Variants in SULF1 observed in about 807,000 individuals in gnomAD.
The protein encoded by SULF1 is sulfatase 1, also known as extracellular sulfatase Sulf-1.
In SULF1, 46 loss-of-function variants were observed where a neutral mutation model predicts 110.5. That is an observed-to-expected ratio of 0.42 (90% CI 0.33 to 0.53). SULF1 has a LOEUF of 0.53. Ranked by LOEUF, SULF1 falls within the 20% of genes least tolerant of loss-of-function variation. The pLI, the probability that SULF1 is intolerant of heterozygous loss-of-function variation, is 0.12. For synonymous variants in SULF1, 371 were observed against 387.1 expected (o/e 0.96, Z 0.49); for missense variants, 941 against 1,094.2 (o/e 0.86, Z 1.98).
chr8:69,561,481 A>G (rs1774847104), intron 3 of SULF1, among the ~76,000 whole-genome samples: 1 of 152,220 alleles, frequency 6.6e-6, no homozygotes, highest in Admixed American at 6.5e-5. Context: ...AGTAAATAAG[A>G]TAAAGAAAAG....
chr8:69,656,227 CTTTATAG>C (rs1216088549), intron 22 of SULF1, among the ~76,000 whole-genome samples: 21 of 152,176 alleles, frequency 1.4e-4, no homozygotes, highest in African/African-American at 3.9e-4. Context: ...GTTTTCTGCA[CTTTATAG>C]TTTATTTCGC....
At chr8:69,512,278 T>A (rs1256361082) in intron 3 of SULF1, among the ~76,000 whole-genome samples, 1 of 152,106 alleles carries the variant, frequency 6.6e-6, no homozygotes. Flanking sequence ...GTAGAAAAAG[T>A]GCCTCTTGAG....
At chr8:69,646,938 A>ATTTTTTTTT (rs532105097) in intron 22 of SULF1, among the ~76,000 whole-genome samples, 7 of 97,760 alleles carry the variant, frequency 7.2e-5, no homozygotes, top group Non-Finnish European at 8.1e-5. Context: ...GAGCCCTGGA[A>ATTTTTTTTT]TTTTTTTTTT....
intron 3 of SULF1, among the ~76,000 whole-genome samples, chr8:69,556,191 T>A (rs1468796287): frequency 6.6e-6 from 1 of 152,036 alleles, no homozygotes; most frequent in African/African-American, 2.4e-5. Flanking sequence ...GAGAAAGAAA[T>A]GGGGTACTAG....
At chr8:69,656,070 T>C (rs1812705465) in intron 22 of SULF1, among the ~76,000 whole-genome samples, 1 of 152,162 alleles carries the variant, frequency 6.6e-6, no homozygotes, top group Non-Finnish European at 1.5e-5. Context: ...TGTTTCAAAC[T>C]GTTCCTTTAT....
chr8:69,628,649 A>T (rs1435481297), intron 18 of SULF1, among the ~76,000 whole-genome samples: 1 of 152,250 alleles, frequency 6.6e-6, no homozygotes, highest in African/African-American at 2.4e-5. Flanking sequence ...TTTAAATAAT[A>T]GCAAAATTTG....
intron 1 of SULF1, among the ~76,000 whole-genome samples, chr8:69,480,957 C>T (rs1305670224): frequency 6.6e-6 from 1 of 151,566 alleles, no homozygotes; most frequent in Admixed American, 6.6e-5. Context: ...TTAATGGGTG[C>T]AGCACACCAG....
intron 3 of SULF1, among the ~76,000 whole-genome samples, chr8:69,518,827 C>T (rs991568270): frequency 6.6e-6 from 1 of 152,186 alleles, no homozygotes; most frequent in African/African-American, 2.4e-5. Flanking sequence ...TAGTCTTACT[C>T]TACATATCTG....
intron 22 of SULF1, among the ~76,000 whole-genome samples, chr8:69,644,958 A>T (rs1314822023): frequency 6.6e-6 from 1 of 152,022 alleles, no homozygotes; most frequent in Non-Finnish European, 1.5e-5. Context: ...GCACTGTTGG[A>T]CTTTTCTGTT....
intron 6 of SULF1, among the ~76,000 whole-genome samples, chr8:69,579,295 T>A (rs1805883848): frequency 1.3e-5 from 2 of 151,948 alleles, no homozygotes; most frequent in African/African-American, 4.8e-5. Context: ...GGCTCATACC[T>A]GTAATCCCAG....
chr8:69,519,751 T>A (rs543032081), intron 3 of SULF1, among the ~76,000 whole-genome samples: 1 of 152,224 alleles, frequency 6.6e-6, no homozygotes, highest in East Asian at 1.9e-4. Flanking sequence ...TTCATTTATG[T>A]TAGTCTTCTA....
chr8:69,608,434 C>A (rs1419369525), intron 13 of SULF1, among the ~76,000 whole-genome samples: 1 of 152,174 alleles, frequency 6.6e-6, no homozygotes, highest in East Asian at 1.9e-4. Context: ...AATCCCAACA[C>A]TTTGGGAGCC....
intron 3 of SULF1, among the ~76,000 whole-genome samples, chr8:69,543,591 T>C (rs1814014241): frequency 1.3e-5 from 2 of 152,228 alleles, no homozygotes; most frequent in African/African-American, 4.8e-5. Flanking sequence ...CCACAATGTA[T>C]ATGTACCACA....
rs1473830022 is a variant in SULF1, at chr8:69,651,056, C to CTTTTTTTTTT, written c.2586-7443_2586-7434dup. 6.5e-5 allele frequency among the ~76,000 whole-genome samples: 9 copies of CTTTTTTTTTT among 137,480 alleles called. 1 individual carries two copies. The highest frequency in any genetic ancestry group is 2.2e-4 in the African/African-American group (8 of 35,656). 90.2% of individuals were successfully genotyped at this position (137,480 alleles called of 152,430 possible). A position where few individuals can be genotyped will look rare whatever the true frequency, so the allele number is the denominator to read the frequency against. Reference sequence around the variant, plus strand: ...CAACATCTATTCTTTTTTTTCTTTTCTTTTTTTTTTTTTTTGAGACAGAGT... The same window carrying CTTTTTTTTTT: ...CAACATCTATTCTTTTTTTTCTTTTCTTTTTTTTTTTTTTTTTTTTTTTTTGAGACAGAGT... On this transcript the variant is annotated intron_variant, in intron 22 of 22. Coordinates refer to ENST00000402687, the MANE Select transcript of SULF1 (RefSeq NM_001128205.2).
chr8:69,571,961 C>G (rs1301901244), intron 5 of SULF1, among the ~76,000 whole-genome samples: 1 of 152,136 alleles, frequency 6.6e-6, no homozygotes, highest in African/African-American at 2.4e-5. Flanking sequence ...CCATAGAGAT[C>G]AGAGGCAACA....
chr8:69,472,429 C>G (rs1809124280), intron 1 of SULF1, among the ~76,000 whole-genome samples: 1 of 152,260 alleles, frequency 6.6e-6, no homozygotes, highest in Non-Finnish European at 1.5e-5. Flanking sequence ...GAGCCCCTTA[C>G]CATTCCCAAA....
intron 3 of SULF1, among the ~76,000 whole-genome samples, chr8:69,550,379 T>C (rs1376373416): frequency 1.3e-5 from 2 of 152,100 alleles, no homozygotes; most frequent in Non-Finnish European, 2.9e-5. Flanking sequence ...ACATGATCAA[T>C]GGATATTAGC....
At chr8:69,484,696 C>G (rs557535356) in intron 1 of SULF1, among the ~76,000 whole-genome samples, 1 of 152,262 alleles carries the variant, frequency 6.6e-6, no homozygotes, top group South Asian at 2.1e-4. Context: ...TCACTAATGT[C>G]TGCATTTCAT....
chr8:69,653,194 T>A (rs1812482437), intron 22 of SULF1, among the ~76,000 whole-genome samples: 1 of 152,078 alleles, frequency 6.6e-6, no homozygotes, highest in Non-Finnish European at 1.5e-5. Flanking sequence ...CTCAGCCTTC[T>A]GAGTAGCTGG....
Sources: gnomAD v4.1 joint callset for allele counts (sites outside exome capture counted in the v4.1 genomes callset) on GRCh38, gnomAD v4.1.1 for gene constraint, MANE v1.5 for transcripts, NCBI Gene and HGNC (gene_info 2026-07-23, HGNC 2026-07-21) for gene names.